The following SEC24B variants were observed in gnomAD, a reference collection of about 807,000 sequenced individuals.
SEC24B encodes protein transport protein Sec24B.
Under a neutral mutation model 142.8 loss-of-function variants are expected in SEC24B, and 45 were observed. That is an observed-to-expected ratio of 0.32 (90% CI 0.25 to 0.40). SEC24B has a LOEUF of 0.40. Among genes scored for constraint, SEC24B ranks in the 10% least tolerant of loss-of-function variants. The pLI is 1.00. For synonymous variants in SEC24B, 574 were observed against 568.2 expected, an observed-to-expected ratio of 1.01 and a Z score of -0.15; for missense variants, 1,409 against 1,526.8, an observed-to-expected ratio of 0.92 and a Z score of 1.29.
intron 6 of SEC24B, among the ~76,000 whole-genome samples, chr4:109,505,072 G>A (rs550059049): frequency 6.6e-6 from 1 of 152,074 alleles, no homozygotes; most frequent in East Asian, 1.9e-4. Context: ...GTTAACTATA[G>A]GCAGAGGTGT....
chr4:109,439,489 T>A (rs1219372109), intron 1 of SEC24B, among the ~76,000 whole-genome samples: 27 of 79,202 alleles, frequency 3.4e-4, no homozygotes, highest in Non-Finnish European at 4.9e-4. Context: ...TTTTTTTTTT[T>A]TTTTTTTTTT....
At chr4:109,498,785 GCT>G (rs1344662806) in intron 6 of SEC24B, among the ~76,000 whole-genome samples, 1 of 152,086 alleles carries the variant, frequency 6.6e-6, no homozygotes, top group Admixed American at 6.6e-5. Flanking sequence ...CAATGAAAGA[GCT>G]CTGTGTAAGG....
chr4:109,461,643 A>G (rs1731268882), intron 1 of SEC24B, among the ~76,000 whole-genome samples: 1 of 152,226 alleles, frequency 6.6e-6, no homozygotes, highest in Admixed American at 6.5e-5. Flanking sequence ...TTACATATGC[A>G]TTACATAGAT....
intron 6 of SEC24B, among the ~76,000 whole-genome samples, chr4:109,505,615 C>T (rs998088392): frequency 6.6e-6 from 1 of 152,162 alleles, no homozygotes; most frequent in Non-Finnish European, 1.5e-5. Context: ...AATAACAGCA[C>T]ACTAGCAATA....
chr4:109,484,569 G>A (rs543070270), intron 4 of SEC24B, among the ~76,000 whole-genome samples: 2 of 152,268 alleles, frequency 1.3e-5, no homozygotes, highest in Admixed American at 1.3e-4. Context: ...AAGATTTGGT[G>A]GCTAGGTGCA....
At chr4:109,503,965 T>C (rs1736432343) in intron 6 of SEC24B, among the ~76,000 whole-genome samples, 1 of 152,150 alleles carries the variant, frequency 6.6e-6, no homozygotes, top group Non-Finnish European at 1.5e-5. Context: ...CTTGGGTCTT[T>C]TGGGGGGTTT....
At chr4:109,468,326 C>G (rs1056754241) in intron 2 of SEC24B, among the ~76,000 whole-genome samples, 1 of 152,146 alleles carries the variant, frequency 6.6e-6, no homozygotes, top group Non-Finnish European at 1.5e-5. Flanking sequence ...GTGCCCACTA[C>G]TTGTAAATTT....
intron 12 of SEC24B, among the ~76,000 whole-genome samples, chr4:109,520,822 G>A (rs1157077070): frequency 4.6e-5 from 7 of 152,028 alleles, no homozygotes; most frequent in Non-Finnish European, 2.9e-5. Context: ...GAGAAACCCC[G>A]TCTCTGCTAA....
At chr4:109,512,548 T>C (rs1737459768) in intron 9 of SEC24B, among the ~76,000 whole-genome samples, 1 of 152,184 alleles carries the variant, frequency 6.6e-6, no homozygotes, top group Non-Finnish European at 1.5e-5. Flanking sequence ...TTCCATGTCA[T>C]TTGATATAAT....
intron 6 of SEC24B, among the ~76,000 whole-genome samples, chr4:109,496,002 T>C (rs1484673398): frequency 6.6e-6 from 1 of 152,178 alleles, no homozygotes; most frequent in African/African-American, 2.4e-5. Context: ...TGGAGCCACC[T>C]CATAAACTTA....
chr4:109,435,898 G>T (rs951932090), intron 1 of SEC24B, among the ~76,000 whole-genome samples: 5 of 152,124 alleles, frequency 3.3e-5, no homozygotes, highest in Non-Finnish European at 7.3e-5. Flanking sequence ...GGGAGGGAAA[G>T]GTTGACTCTA....
chr4:109,439,596 G>A (rs1314819486), intron 1 of SEC24B, among the ~76,000 whole-genome samples: 2 of 137,760 alleles, frequency 1.5e-5, no homozygotes, highest in East Asian at 4.6e-4. Flanking sequence ...TCCGCCTCCC[G>A]GGTTCAAGCG....
At chr4:109,453,245 A>G (rs1357769883) in intron 1 of SEC24B, among the ~76,000 whole-genome samples, 1 of 152,212 alleles carries the variant, frequency 6.6e-6, no homozygotes, top group African/African-American at 2.4e-5. Context: ...ATGAACTTCC[A>G]TGTCCCGCTG....
At chr4:109,534,257 A>C (rs776742216) in intron 22 of SEC24B, among the ~76,000 whole-genome samples, 1 of 150,004 alleles carries the variant, frequency 6.7e-6, no homozygotes, top group Non-Finnish European at 1.5e-5. Flanking sequence ...AACCATGCAG[A>C]TCACTAGAAG....
intron 23 of SEC24B, among the ~76,000 whole-genome samples, chr4:109,539,139 T>C (rs1725899004): frequency 6.6e-6 from 1 of 152,070 alleles, no homozygotes. Context: ...TTTTTGTATT[T>C]TTAGTAGAGA....
intron 7 of SEC24B, among the ~76,000 whole-genome samples, chr4:109,506,861 G>A (rs41277035): frequency 0.17 from 26,540 of 151,992 alleles, 2,601 homozygotes; most frequent in African/African-American, 0.27. Context: ...ACAGATATTT[G>A]AAATTTCAGG....
rs894646836 is a variant in SEC24B at position 109,465,571 on chromosome 4, A to G, written c.877+1927A>G. On this transcript the variant is annotated intron_variant, in intron 2 of 23. Transcript: ENST00000265175. ...TCTCTCTTCTTTCAACATTCTATTT[A>G]CAGATCCACTTATCCTAAAGTCCTT... 3.3e-5 allele frequency among the ~76,000 whole-genome samples: 5 copies of G among 152,176 alleles called. No individual in the cohort carries two copies. The East Asian group carries it at 7.7e-4, about 23-fold the overall frequency.
At chr4:109,536,522 A>T (rs1230411286) in intron 22 of SEC24B, among the ~76,000 whole-genome samples, 1 of 152,034 alleles carries the variant, frequency 6.6e-6, no homozygotes, top group Non-Finnish European at 1.5e-5. Context: ...ATATTTGTGA[A>T]TTTTTTGTTT....
chr4:109,473,261 C>T (rs988677128), intron 3 of SEC24B, 75 bp downstream of exon 3: 64 of 1,027,076 alleles, frequency 6.2e-5, no homozygotes, highest in Non-Finnish European at 8.4e-5. Flanking sequence ...AAAAAAGTTA[C>T]TTATAATCTC....
Sources: allele counts gnomAD v4.1 joint callset (sites outside exome capture counted in the v4.1 genomes callset), GRCh38; gene constraint gnomAD v4.1.1; transcripts MANE v1.5; gene names NCBI Gene and HGNC (gene_info 2026-07-23, HGNC 2026-07-21).